SLCO6A1: variants seen among roughly 807,000 people sequenced by gnomAD.
SLCO6A1 encodes the protein cancer/testis antigen 48.
Under a neutral mutation model 72.7 loss-of-function variants are expected in SLCO6A1, and 65 were observed. That is an observed-to-expected ratio of 0.89 (90% CI 0.73 to 1.10). The LOEUF (loss-of-function observed/expected upper bound fraction) is 1.10. Among genes scored for constraint, SLCO6A1 ranks in the 50% least tolerant of loss-of-function variants. The probability of loss-of-function intolerance (pLI) is 0.00; values close to 1 mark genes in which losing one functional copy is unlikely to be tolerated. For synonymous variants in SLCO6A1, 314 were observed against 298.2 expected, an observed-to-expected ratio of 1.05 and a Z score of -0.55; for missense variants, 874 against 872.6, an observed-to-expected ratio of 1.00 and a Z score of -0.02.
At chr5:102,474,195 C>T (rs1473157301) in intron 4 of SLCO6A1, among the ~76,000 whole-genome samples, 3 of 151,832 alleles carry the variant, frequency 2.0e-5, no homozygotes, top group African/African-American at 7.3e-5. Flanking sequence ...AGCTACAGTC[C>T]TCAAAACAGT....
chr5:102,448,291 T>C (rs766131997), intron 6 of SLCO6A1, among the ~76,000 whole-genome samples: 1 of 152,216 alleles, frequency 6.6e-6, no homozygotes, highest in Non-Finnish European at 1.5e-5. Flanking sequence ...TTATGGCTGA[T>C]TGCGTGGTCA....
At chr5:102,389,456 CCACA>C (rs1554065639) in intron 11 of SLCO6A1, among the ~76,000 whole-genome samples, 1 of 81,848 alleles carries the variant, frequency 1.2e-5, no homozygotes, top group Non-Finnish European at 2.6e-5. Context: ...CCCCCCACCC[CCACA>C]CACACAGAGT....
At chr5:102,474,861 A>G (rs1019851975) in intron 4 of SLCO6A1, among the ~76,000 whole-genome samples, 3 of 152,038 alleles carry the variant, frequency 2.0e-5, no homozygotes, top group African/African-American at 4.8e-5. Flanking sequence ...ACAATAAGGT[A>G]TCACCTTGGA....
chr5:102,469,457 T>A (rs1394332468), intron 4 of SLCO6A1, among the ~76,000 whole-genome samples: 3 of 152,176 alleles, frequency 2.0e-5, no homozygotes, highest in Non-Finnish European at 2.9e-5. Flanking sequence ...GATTTTGCTC[T>A]CTGTGTGTTA....
At chr5:102,483,754 T>G (rs1446453026) in intron 1 of SLCO6A1, among the ~76,000 whole-genome samples, 1 of 152,174 alleles carries the variant, frequency 6.6e-6, no homozygotes, top group African/African-American at 2.4e-5. Flanking sequence ...GACTAATTGT[T>G]CCTACTGGCA....
chr5:102,415,748 A>G (rs1213986194), intron 8 of SLCO6A1, among the ~76,000 whole-genome samples: 1 of 152,188 alleles, frequency 6.6e-6, no homozygotes, highest in Non-Finnish European at 1.5e-5. Flanking sequence ...AGCAAAAGAT[A>G]TAATCAACAG....
At chr5:102,433,624 A>T (rs977354369) in intron 7 of SLCO6A1, among the ~76,000 whole-genome samples, 60 of 152,274 alleles carry the variant, frequency 3.9e-4, no homozygotes, top group African/African-American at 1.4e-3. Context: ...AGGTAGAAAC[A>T]TGCTGTGCTG....
At chr5:102,489,543 A>T (rs1337894686) in intron 1 of SLCO6A1, among the ~76,000 whole-genome samples, 1 of 152,212 alleles carries the variant, frequency 6.6e-6, no homozygotes, top group African/African-American at 2.4e-5. Flanking sequence ...AGGGGAATGC[A>T]AATCAAAATC....
intron 9 of SLCO6A1, among the ~76,000 whole-genome samples, chr5:102,410,280 G>A (rs1561437572): frequency 6.6e-6 from 1 of 151,986 alleles, no homozygotes. Context: ...GCAGCTCTAA[G>A]CAGAGAGGGT....
chr5:102,456,834 G>A (rs978542926), intron 6 of SLCO6A1, among the ~76,000 whole-genome samples: 3 of 152,232 alleles, frequency 2.0e-5, no homozygotes, highest in South Asian at 2.1e-4. Flanking sequence ...GAGGCATCAC[G>A]CTACCTGTCT....
intron 12 of SLCO6A1, among the ~76,000 whole-genome samples, chr5:102,380,606 T>C (rs117679890): frequency 6.6e-6 from 1 of 152,046 alleles, no homozygotes; most frequent in East Asian, 1.9e-4. Context: ...TGCTCTAGAG[T>C]AGTGCTAGGC....
intron 6 of SLCO6A1, among the ~76,000 whole-genome samples, chr5:102,456,949 A>G (rs1750755458): frequency 3.3e-5 from 5 of 152,192 alleles, no homozygotes; most frequent in Admixed American, 2.0e-4. Flanking sequence ...ATAATGCCAC[A>G]TATCTACAAC....
At chr5:102,464,106 G>C (rs1342479463) in intron 4 of SLCO6A1, among the ~76,000 whole-genome samples, 1 of 151,898 alleles carries the variant, frequency 6.6e-6, no homozygotes, top group Non-Finnish European at 1.5e-5. Flanking sequence ...CTTCTCAGGT[G>C]GTGGGTGCAC....
intron 13 of SLCO6A1, 119 bp downstream of exon 13, chr5:102,373,213 AAATAT>A (rs1750720590): frequency 1.6e-5 from 9 of 574,672 alleles, no homozygotes; most frequent in South Asian, 7.2e-5. Flanking sequence ...TTTGCACTCA[AAATAT>A]AATAAAATAT....
chr5:102,415,500 T>G (rs1282328973), intron 8 of SLCO6A1, among the ~76,000 whole-genome samples: 2 of 152,046 alleles, frequency 1.3e-5, no homozygotes, highest in Non-Finnish European at 2.9e-5. Flanking sequence ...AAAATTGGAT[T>G]GTTATGTATA....
At chr5:102,420,169 G>A in intron 7 of SLCO6A1, 148 bp from the exon 8 acceptor site, 1 of 727,284 alleles carries the variant, frequency 1.4e-6, no homozygotes, top group Non-Finnish European at 2.1e-6. Flanking sequence ...ATGCTAAATA[G>A]CTTGACGAAC....
At chr5:102,396,803 T>C (rs984476559) in intron 10 of SLCO6A1, among the ~76,000 whole-genome samples, 4 of 152,188 alleles carry the variant, frequency 2.6e-5, no homozygotes, top group African/African-American at 9.7e-5. Flanking sequence ...TGTAACACAA[T>C]ATACACCTTC....
intron 12 of SLCO6A1, among the ~76,000 whole-genome samples, chr5:102,385,174 G>A (rs1746345228): frequency 6.6e-6 from 1 of 152,022 alleles, no homozygotes; most frequent in Admixed American, 6.6e-5. Context: ...TCTGCTCCTA[G>A]TCTTATAGAG....
At chr5:102,435,726 T>C (rs2112669541) in intron 7 of SLCO6A1, among the ~76,000 whole-genome samples, 1 of 152,040 alleles carries the variant, frequency 6.6e-6, no homozygotes, top group South Asian at 2.1e-4. Flanking sequence ...AAATACAAAA[T>C]TAGCTGGGCG....
Sources: allele counts gnomAD v4.1 joint callset (sites outside exome capture counted in the v4.1 genomes callset), GRCh38; gene constraint gnomAD v4.1.1; transcripts MANE v1.5; gene names NCBI Gene and HGNC (gene_info 2026-07-23, HGNC 2026-07-21).